ASIC2: variants seen among roughly 807,000 people sequenced by gnomAD.
ASIC2 encodes acid-sensing ion channel 2.
Under a neutral mutation model 57.3 loss-of-function variants are expected in ASIC2, and 25 were observed. That is an observed-to-expected ratio of 0.44 (90% CI 0.32 to 0.61). The LOEUF (loss-of-function observed/expected upper bound fraction) is 0.61, where lower values mean the gene tolerates loss of function less well. Ranked by LOEUF, ASIC2 falls within the 20% of genes least tolerant of loss-of-function variation. The pLI is 0.06. For missense variants in ASIC2, 641 were observed against 738.1 expected (o/e 0.87, Z 1.52); for synonymous variants, 319 against 307.5 (o/e 1.04, Z -0.39).
chr17:33,043,516 C>T (rs2091938029), intron 3 of ASIC2, among the ~76,000 whole-genome samples: 2 of 152,192 alleles, frequency 1.3e-5, no homozygotes, highest in Non-Finnish European at 2.9e-5. Context: ...GGGCATATGG[C>T]AAACATCACC....
chr17:33,813,186 G>C (rs1912475436), intron 1 of ASIC2, among the ~76,000 whole-genome samples: 2 of 152,072 alleles, frequency 1.3e-5, no homozygotes, highest in Admixed American at 1.3e-4. Flanking sequence ...AACAAGTTGG[G>C]GAGGAGCACG....
intron 1 of ASIC2, among the ~76,000 whole-genome samples, chr17:33,230,844 G>A (rs1567792197): frequency 6.6e-6 from 1 of 152,148 alleles, no homozygotes; most frequent in Non-Finnish European, 1.5e-5. Flanking sequence ...GGTTAATGGT[G>A]AGGTTCCCAC....
intron 1 of ASIC2, among the ~76,000 whole-genome samples, chr17:33,283,463 T>A (rs1373731684): frequency 1.3e-5 from 2 of 152,202 alleles, no homozygotes; most frequent in African/African-American, 4.8e-5. Flanking sequence ...TTGAGAAGCG[T>A]AGCCCCCTTA....
At chr17:34,132,348 A>G (rs996758169) in intron 1 of ASIC2, among the ~76,000 whole-genome samples, 1 of 152,148 alleles carries the variant, frequency 6.6e-6, no homozygotes, top group East Asian at 1.9e-4. Flanking sequence ...AAAACAACAA[A>G]GCTTCCACAG....
intron 1 of ASIC2, among the ~76,000 whole-genome samples, chr17:33,124,594 T>C (rs2092316153): frequency 6.6e-6 from 1 of 152,152 alleles, no homozygotes; most frequent in Admixed American, 6.5e-5. Context: ...TAAAAAGCAA[T>C]GCCTGAAAGT....
intron 1 of ASIC2, among the ~76,000 whole-genome samples, chr17:33,512,047 C>T (rs904376904): frequency 2.0e-5 from 3 of 152,128 alleles, no homozygotes; most frequent in South Asian, 2.1e-4. Flanking sequence ...GTTTCAGCGT[C>T]CTGTGTAAAA....
intron 1 of ASIC2, among the ~76,000 whole-genome samples, chr17:33,196,386 A>T (rs111858361): frequency 0.023 from 3,432 of 152,270 alleles, 61 homozygotes; most frequent in Admixed American, 0.046. Context: ...ACAGCAAAAG[A>T]TGCTCCAGCC....
At chr17:33,036,567 A>G (rs2091909358) in intron 3 of ASIC2, among the ~76,000 whole-genome samples, 1 of 151,816 alleles carries the variant, frequency 6.6e-6, no homozygotes, top group Admixed American at 6.6e-5. Flanking sequence ...AGGAGTTAGG[A>G]CTACAGGGAT....
chr17:33,483,357 G>A (rs1036593257), intron 1 of ASIC2, among the ~76,000 whole-genome samples: 12 of 152,214 alleles, frequency 7.9e-5, no homozygotes, highest in African/African-American at 1.9e-4. Flanking sequence ...GACTGCTTCC[G>A]AAGGAGCTGG....
chr17:33,677,832 T>C (rs1206201733), intron 1 of ASIC2, among the ~76,000 whole-genome samples: 2 of 152,204 alleles, frequency 1.3e-5, no homozygotes, highest in Non-Finnish European at 2.9e-5. Context: ...CTGGTGAAGA[T>C]ACTGTGAATA....
intron 1 of ASIC2, among the ~76,000 whole-genome samples, chr17:33,970,551 A>G (rs1192079631): frequency 2.6e-5 from 4 of 152,184 alleles, no homozygotes; most frequent in Non-Finnish European, 4.4e-5. Context: ...AAAGACAGGG[A>G]AGTTAGGCAG....
intron 1 of ASIC2, among the ~76,000 whole-genome samples, chr17:33,332,967 C>T (rs1907374931): frequency 6.6e-6 from 1 of 152,178 alleles, no homozygotes; most frequent in African/African-American, 2.4e-5. Flanking sequence ...GAGAGGCCTT[C>T]TCTCATTGAA....
upstream of ASIC2, among the ~76,000 whole-genome samples, chr17:33,296,402 C>T (rs377186670): frequency 6.6e-6 from 1 of 152,132 alleles, no homozygotes. Flanking sequence ...CACAATAGCT[C>T]CTGTGGATTA....
At chr17:33,431,613 AAG>A (rs1191866348) in intron 1 of ASIC2, among the ~76,000 whole-genome samples, 1 of 152,178 alleles carries the variant, frequency 6.6e-6, no homozygotes, top group African/African-American at 2.4e-5. Context: ...TGGGTAGAGG[AAG>A]AGAGTCAGGA....
chr17:33,033,386 A>G (rs927455234), intron 3 of ASIC2, among the ~76,000 whole-genome samples: 3 of 152,230 alleles, frequency 2.0e-5, no homozygotes, highest in African/African-American at 7.2e-5. Flanking sequence ...CCACGGCTGC[A>G]GACCTGGGCC....
chr17:33,344,808 G>T (rs1256009932), intron 1 of ASIC2, among the ~76,000 whole-genome samples: 1 of 152,128 alleles, frequency 6.6e-6, no homozygotes, highest in African/African-American at 2.4e-5. Flanking sequence ...TGGGGACAGA[G>T]ACCATGTCTT....
intron 1 of ASIC2, among the ~76,000 whole-genome samples, chr17:33,396,639 C>G (rs1383503180): frequency 1.3e-5 from 2 of 152,166 alleles, no homozygotes; most frequent in Non-Finnish European, 2.9e-5. Context: ...AATTTATAAA[C>G]ATCTATGTGC....
chr17:33,375,323 C>T (rs150678258), intron 1 of ASIC2, among the ~76,000 whole-genome samples: 2 of 150,938 alleles, frequency 1.3e-5, no homozygotes, highest in African/African-American at 2.4e-5. Flanking sequence ...CAGCACATGA[C>T]GGGCTCTCAG....
At chr17:34,127,077 G>C (rs1023713508) in intron 1 of ASIC2, among the ~76,000 whole-genome samples, 1 of 152,184 alleles carries the variant, frequency 6.6e-6, no homozygotes, top group Non-Finnish European at 1.5e-5. Flanking sequence ...CCCAGTAAGC[G>C]TTTGCATTTG....
Sources: allele counts gnomAD v4.1 joint callset (sites outside exome capture counted in the v4.1 genomes callset), GRCh38; gene constraint gnomAD v4.1.1; transcripts MANE v1.5; gene names NCBI Gene and HGNC (gene_info 2026-07-23, HGNC 2026-07-21).